The following ADGRB3 variants were observed in gnomAD, a reference collection of about 807,000 sequenced individuals.
The protein encoded by ADGRB3 is brain-specific angiogenesis inhibitor 3.
A neutral mutation model predicts 193.4 loss-of-function variants in ADGRB3; 37 were observed. The ratio of observed to expected loss-of-function variants is 0.19; its 90% CI spans 0.15 to 0.25. The LOEUF is 0.25. Among genes scored for constraint, ADGRB3 ranks in the 10% least tolerant of loss-of-function variants. The pLI, the probability that ADGRB3 is intolerant of heterozygous loss-of-function variation, is 1.00. For missense variants in ADGRB3, 1,637 were observed against 1,852.9 expected, an observed-to-expected ratio of 0.88 and a Z score of 2.14; for synonymous variants, 690 against 644.2, an observed-to-expected ratio of 1.07 and a Z score of -1.08.
intron 6 of ADGRB3, among the ~76,000 whole-genome samples, chr6:68,952,930 A>G (rs1445178002): frequency 2.6e-5 from 4 of 152,192 alleles, no homozygotes; most frequent in Non-Finnish European, 5.9e-5. Context: ...GTTAGAAAGG[A>G]TTGAACAACT....
At position 69,361,445 on chromosome 6, in the gene ADGRB3, A is replaced by G; in HGVS notation, c.4172A>G (p.Glu1391Gly). The change falls in exon 29 of 32, where the codon GAG (glutamate) becomes GGG (glycine). Residue 1391 changes from glutamate to glycine, a missense_variant. Physicochemically the swap from Glu to Gly is moderately conservative, Grantham distance 98. Coordinates refer to ENST00000370598, the MANE Select transcript of ADGRB3 (RefSeq NM_001704.3). ...GCTGTGAAGAATTTCATGGCCTCTG[A>G]GTTGGATGATAATGCAGGACTATCA... The part of the protein sequence containing the change: ...RTAVKNFMAS[E>G]LDDNAGLSRS... 6.2e-7 allele frequency: 1 copy of G among 1,612,880 alleles called. No homozygotes were observed. The highest frequency in any genetic ancestry group is 8.5e-7 in the Non-Finnish European group (1 of 1,179,172).
intron 17 of ADGRB3, among the ~76,000 whole-genome samples, chr6:69,166,105 G>A (rs932742695): frequency 6.6e-5 from 10 of 152,042 alleles, no homozygotes; most frequent in African/African-American, 2.4e-4. Flanking sequence ...AGCAAGGCAG[G>A]TATTACTTCC....
chr6:68,962,784 G>A (rs1433141327), intron 8 of ADGRB3, among the ~76,000 whole-genome samples: 1 of 151,772 alleles, frequency 6.6e-6, no homozygotes, highest in Non-Finnish European at 1.5e-5. Context: ...TCTGAATATT[G>A]GTCTTTGATG....
At chr6:68,987,064 T>C (rs900815314) in intron 10 of ADGRB3, among the ~76,000 whole-genome samples, 4 of 152,124 alleles carry the variant, frequency 2.6e-5, no homozygotes, top group African/African-American at 9.7e-5. Context: ...ATCTTCTCAA[T>C]AGTAGTAAAT....
chr6:68,771,749 C>T (rs775282198), intron 3 of ADGRB3, among the ~76,000 whole-genome samples: 7 of 151,980 alleles, frequency 4.6e-5, no homozygotes, highest in African/African-American at 9.7e-5. Context: ...AATGACATGT[C>T]CTGGGGGTGT....
intron 19 of ADGRB3, among the ~76,000 whole-genome samples, chr6:69,238,141 C>T (rs769486174): frequency 6.6e-6 from 1 of 151,980 alleles, no homozygotes; most frequent in Non-Finnish European, 1.5e-5. Flanking sequence ...AGATTTTTAC[C>T]TTCCAGAGTG....
chr6:68,779,863 C>A (rs1225618446), intron 3 of ADGRB3, among the ~76,000 whole-genome samples: 1 of 152,030 alleles, frequency 6.6e-6, no homozygotes, highest in Non-Finnish European at 1.5e-5. Context: ...TCTAGCTATT[C>A]CTGTGTGATG....
chr6:69,360,784 A>G, intron 28 of ADGRB3, 85 bp from the exon 29 acceptor site: 1 of 1,318,562 alleles, frequency 7.6e-7, no homozygotes, highest in Non-Finnish European at 1.0e-6. Flanking sequence ...TTTAATGTTT[A>G]GTAGAAAGCG....
At chr6:68,735,010 A>G (rs1765844789) in intron 3 of ADGRB3, among the ~76,000 whole-genome samples, 1 of 152,008 alleles carries the variant, frequency 6.6e-6, no homozygotes. Context: ...AAAATATGGA[A>G]TACTAGTGCA....
At chr6:68,677,659 A>G (rs1421582188) in intron 3 of ADGRB3, among the ~76,000 whole-genome samples, 1 of 151,842 alleles carries the variant, frequency 6.6e-6, no homozygotes, top group Non-Finnish European at 1.5e-5. Context: ...CTGGGACGAC[A>G]GACGCGCACC....
At chr6:69,339,113 CAG>C (rs1011344832) in intron 25 of ADGRB3, 99 bp downstream of exon 25, 2 of 1,288,960 alleles carry the variant, frequency 1.6e-6, no homozygotes, top group African/African-American at 3.0e-5. Context: ...AATACAAGAC[CAG>C]AGAGTATATT....
Position 69,225,726 on chromosome 6 carries a change from G to A in ADGRB3, c.2481-7564G>A, listed in dbSNP as rs573095230. Among the ~76,000 whole-genome samples, 199 of 152,208 alleles carry A rather than the reference G, an allele frequency of 1.3e-3. 1 individual carries two copies. Among genetic ancestry groups the A allele is most frequent in the Non-Finnish European group, 2.2e-3 (152 of 68,012 alleles). ...GTCCTCAAGATCCTGGATGGATGTG[G>A]GAGCTTAATTTATCTCCATTTTCCT... On this transcript the variant is annotated intron_variant, in intron 17 of 31. Coordinates refer to ENST00000370598, the MANE Select transcript of ADGRB3 (RefSeq NM_001704.3).
intron 3 of ADGRB3, among the ~76,000 whole-genome samples, chr6:68,797,269 AC>A (rs750661036): frequency 1.3e-5 from 2 of 152,308 alleles, no homozygotes; most frequent in South Asian, 4.1e-4. Flanking sequence ...GAGGAGACAA[AC>A]AAATGATCTG....
At chr6:69,067,814 C>T (rs1256152732) in intron 16 of ADGRB3, among the ~76,000 whole-genome samples, 2 of 152,070 alleles carry the variant, frequency 1.3e-5, no homozygotes, top group Non-Finnish European at 2.9e-5. Context: ...TGGTTATAGC[C>T]TAAATTTCTT....
At chr6:68,791,602 T>G (rs970421523) in intron 3 of ADGRB3, among the ~76,000 whole-genome samples, 6 of 152,302 alleles carry the variant, frequency 3.9e-5, no homozygotes, top group Non-Finnish European at 8.8e-5. Context: ...TGTGTAATTT[T>G]AACTTTCAAT....
At chr6:68,741,363 CT>C (rs1252425315) in intron 3 of ADGRB3, among the ~76,000 whole-genome samples, 1 of 151,976 alleles carries the variant, frequency 6.6e-6, no homozygotes, top group Non-Finnish European at 1.5e-5. Context: ...AGCAGTCTGG[CT>C]TTTTTTAAAT....
At chr6:68,846,736 C>T (rs562381662) in intron 3 of ADGRB3, among the ~76,000 whole-genome samples, 202 of 152,344 alleles carry the variant, frequency 1.3e-3, no homozygotes, top group Non-Finnish European at 2.1e-3. Flanking sequence ...GCAAAAATTG[C>T]TGCATGGGTG....
chr6:69,102,491 T>C (rs1773090138), intron 17 of ADGRB3, among the ~76,000 whole-genome samples: 1 of 152,302 alleles, frequency 6.6e-6, no homozygotes, highest in Non-Finnish European at 1.5e-5. Flanking sequence ...TTTCAGCTTT[T>C]AAGAAGCAGC....
chr6:68,744,886 T>C (rs191315686), intron 3 of ADGRB3, among the ~76,000 whole-genome samples: 7 of 152,186 alleles, frequency 4.6e-5, no homozygotes, highest in Admixed American at 3.9e-4. Context: ...TGAAGTATAA[T>C]TTTAAAAAAT....
Sources: allele counts gnomAD v4.1 joint callset (sites outside exome capture counted in the v4.1 genomes callset), GRCh38; gene constraint gnomAD v4.1.1; transcripts MANE v1.5; gene names NCBI Gene and HGNC (gene_info 2026-07-23, HGNC 2026-07-21).